Variants in STT3B observed in about 807,000 individuals in gnomAD.
STT3B encodes dolichyl-diphosphooligosaccharide--protein glycosyltransferase subunit STT3B.
STT3B carries 29 observed loss-of-function variants against 96.8 expected under a neutral mutation model. The ratio of observed to expected loss-of-function variants is 0.30; its 90% CI spans 0.22 to 0.41. The LOEUF (loss-of-function observed/expected upper bound fraction) is 0.41. STT3B is among the 10% of genes least tolerant of loss of function. The probability of loss-of-function intolerance (pLI) is 1.00; values close to 1 mark genes in which losing one functional copy is unlikely to be tolerated. For missense variants in STT3B, 640 were observed against 1,022.3 expected, an observed-to-expected ratio of 0.63 and a Z score of 5.10; for synonymous variants, 367 against 360.0, an observed-to-expected ratio of 1.02 and a Z score of -0.22.
At chr3:31,619,551 G>C in intron 8 of STT3B, 125 bp from the exon 9 acceptor site, 2 of 747,192 alleles carry the variant, frequency 2.7e-6, no homozygotes, top group Non-Finnish European at 4.3e-6. Flanking sequence ...ACCTTGGAAG[G>C]TATATTTAAA....
At chr3:31,576,373 T>A (rs561412738) in intron 1 of STT3B, 23 bp from the exon 2 acceptor site, 3 of 1,421,906 alleles carry the variant, frequency 2.1e-6, no homozygotes, top group South Asian at 2.5e-5. Flanking sequence ...TTTATAACAT[T>A]TCTTTTTATC....
chr3:31,611,474 T>G (rs1699178307), intron 5 of STT3B, among the ~76,000 whole-genome samples: 1 of 152,174 alleles, frequency 6.6e-6, no homozygotes, highest in Non-Finnish European at 1.5e-5. Context: ...AAAAAGCGTA[T>G]GTTTTCATTT....
intron 1 of STT3B, among the ~76,000 whole-genome samples, chr3:31,575,467 G>C (rs72856014): frequency 6.8e-6 from 1 of 147,626 alleles, no homozygotes; most frequent in Non-Finnish European, 1.5e-5. Context: ...TGATTTTTTT[G>C]GGGGGGGGAT....
chr3:31,630,414 A>G (rs1428539082), intron 14 of STT3B, among the ~76,000 whole-genome samples: 1 of 152,152 alleles, frequency 6.6e-6, no homozygotes, highest in African/African-American at 2.4e-5. Context: ...TAAGACCACT[A>G]TCCTTTGTCC....
chr3:31,605,197 G>A (rs1222284463), intron 5 of STT3B, among the ~76,000 whole-genome samples: 1 of 151,818 alleles, frequency 6.6e-6, no homozygotes, highest in Non-Finnish European at 1.5e-5. Context: ...TCTAAGGAGT[G>A]TTCCTTCTTT....
chr3:31,619,752 G>A lies in STT3B; in HGVS notation c.1249G>A (p.Asp417Asn). The change falls in exon 9 of 16, where the codon GAT becomes AAT. Residue 417 changes from aspartate to asparagine, a missense_variant. Physicochemically the swap from Asp to Asn is conservative, Grantham distance 23 (BLOSUM62 1). This residue lies in a region of STT3B where 33 missense variants were observed against 43.1 expected (regional missense o/e 0.77). Transcript: ENST00000295770. Reference sequence around the variant, plus strand: ...TACGACTTGGGTGTCTTTCTTCTTTGATCTACATATTCTTGTATGTACCTT... The same window carrying A: ...TACGACTTGGGTGTCTTTCTTCTTTAATCTACATATTCTTGTATGTACCTT... ...QPTTWVSFFF[D>N]LHILVCTFPA... The A allele has an allele frequency of 6.2e-7, 1 of 1,613,822 alleles. No homozygotes were observed. The highest frequency in any genetic ancestry group is 8.5e-7 in the Non-Finnish European group (1 of 1,179,870).
intron 12 of STT3B, among the ~76,000 whole-genome samples, chr3:31,625,595 GA>G (rs1699518221): frequency 6.6e-6 from 1 of 152,194 alleles, no homozygotes; most frequent in Admixed American, 6.5e-5. Context: ...ATGCATGCTA[GA>G]CTGGGGAGAA....
At chr3:31,635,868 C>CA in intron 15 of STT3B, 116 bp from the exon 16 acceptor site, 1 of 666,596 alleles carries the variant, frequency 1.5e-6, no homozygotes, top group Non-Finnish European at 2.5e-6. Context: ...AATCCAGTCA[C>CA]AAGAAGAGCA....
chr3:31,566,726 C>T (rs765243215), intron 1 of STT3B, among the ~76,000 whole-genome samples: 8 of 152,154 alleles, frequency 5.3e-5, no homozygotes, highest in African/African-American at 9.7e-5. Context: ...TTCCTCCTTC[C>T]CTTCTTCCCA....
chr3:31,557,866 G>A (rs1418906715), intron 1 of STT3B, among the ~76,000 whole-genome samples: 2 of 152,106 alleles, frequency 1.3e-5, no homozygotes, highest in East Asian at 1.9e-4. Flanking sequence ...TCCTGACCTC[G>A]TGATCCGCCC....
chr3:31,532,985 C>T lies in STT3B; in HGVS notation c.-14C>T, dbSNP rs773874772. The T allele has an allele frequency of 1.6e-5, 25 of 1,583,428 alleles. No homozygotes were observed. Among genetic ancestry groups the T allele is most frequent in the Admixed American group, 1.0e-4 (6 of 57,660 alleles). ...GGCGGAGGAGGAGAGCTAGACCCGC[C>T]GCCGGGGCACAACATGGCGGAGCCC... On this transcript the variant is annotated 5_prime_UTR_variant, in exon 1 of 16. Transcript: ENST00000295770.
chr3:31,568,686 A>G (rs1181706201), intron 1 of STT3B, among the ~76,000 whole-genome samples: 2 of 152,212 alleles, frequency 1.3e-5, no homozygotes, highest in African/African-American at 2.4e-5. Context: ...GATTAAAAGT[A>G]TATTGTGGTA....
At position 31,533,235 on chromosome 3, in the gene STT3B, G is replaced by A. The variant is rs778762992; in HGVS notation, c.237G>A (p.Leu79=). Residue 79 remains leucine, a synonymous_variant, in exon 1 of 16, where the codon CTG becomes CTA. Coordinates refer to ENST00000295770, the MANE Select transcript of STT3B (RefSeq NM_178862.3). The part of the protein sequence containing the change: ...QSLLSFTILF[L]AWLAGFSSRL... ...TTCTCTCCTTCACCATCCTCTTCCT[G>A]GCCTGGCTTGCCGGCTTCAGCTCGC... is the stretch of plus-strand genomic sequence containing the variant. 6.7e-7 allele frequency: 1 copy of A among 1,496,400 alleles called. No homozygotes were observed. The highest frequency in any genetic ancestry group is 8.9e-7 in the Non-Finnish European group (1 of 1,120,616). 92.7% of individuals were successfully genotyped at this position (1,496,400 alleles called of 1,614,324 possible).
chr3:31,625,017 A>G lies in STT3B; in HGVS notation c.1831A>G (p.Ile611Val), dbSNP rs770207763. 2 of 1,614,010 alleles carry G rather than the reference A, an allele frequency of 1.2e-6. No individual in the cohort carries two copies. Among genetic ancestry groups the G allele is most frequent in the South Asian group, 1.1e-5 (1 of 91,082 alleles). The change falls in exon 12 of 16, where the codon ATA (isoleucine) becomes GTA (valine). Residue 611 changes from isoleucine to valine, a missense_variant. Physicochemically the swap from Ile to Val is conservative, Grantham distance 29 (BLOSUM62 3). Transcript: ENST00000295770. ...GTCTTGGTGGGATTATGGCTATCAGATAGCTGGAATGGCTAATAGAACTAC... is the reference window on the plus strand; with the variant it reads ...GTCTTGGTGGGATTATGGCTATCAGGTAGCTGGAATGGCTAATAGAACTAC... ...VMSWWDYGYQ[I>V]AGMANRTTLV...
intron 2 of STT3B, among the ~76,000 whole-genome samples, chr3:31,577,525 G>T (rs1032874273): frequency 6.6e-6 from 1 of 152,046 alleles, no homozygotes; most frequent in African/African-American, 2.4e-5. Context: ...ATATATTGTG[G>T]TTAGAGAACA....
chr3:31,569,882 C>T (rs897883354), intron 1 of STT3B, among the ~76,000 whole-genome samples: 1 of 151,824 alleles, frequency 6.6e-6, no homozygotes, highest in African/African-American at 2.4e-5. Context: ...TCATATGTGT[C>T]ATTATGTATG....
intron 1 of STT3B, among the ~76,000 whole-genome samples, chr3:31,542,541 A>G (rs1170487085): frequency 2.0e-5 from 3 of 152,196 alleles, no homozygotes; most frequent in Non-Finnish European, 2.9e-5. Context: ...CAGTATTTCT[A>G]CAGAATTCAA....
At chr3:31,586,044 T>C (rs1698528318) in intron 3 of STT3B, among the ~76,000 whole-genome samples, 1 of 152,126 alleles carries the variant, frequency 6.6e-6, no homozygotes, top group African/African-American at 2.4e-5. Flanking sequence ...TTTGCCAAAG[T>C]TGCTGTATTC....
Position 31,537,314 on chromosome 3 carries a change from G to C in STT3B, c.314+4002G>C, listed in dbSNP as rs150773062. On this transcript the variant is annotated intron_variant, in intron 1 of 15. Transcript: ENST00000295770. ...ACTTTGCAGATGACAAAAAGAGGCT[G>C]TTGACCTCAGTTCTGAAGAAGACAA... Among the ~76,000 whole-genome samples the C allele has an allele frequency of 2.6e-5, 4 of 152,312 alleles. No individual in the cohort carries two copies. The East Asian group carries it at 7.7e-4, about 29-fold the overall frequency.
Sources: gnomAD v4.1 joint callset for allele counts (sites outside exome capture counted in the v4.1 genomes callset) on GRCh38, gnomAD v4.1.1 for gene constraint, gnomAD v4.1.1 regional missense constraint, MANE v1.5 for transcripts, NCBI Gene and HGNC (gene_info 2026-07-23, HGNC 2026-07-21) for gene names.